The following SEC22C variants were observed in gnomAD, a reference collection of about 807,000 sequenced individuals.
SEC22C encodes SEC22 homolog C, vesicle trafficking protein.
A neutral mutation model predicts 34.7 loss-of-function variants in SEC22C; 29 were observed. The observed-to-expected ratio is 0.84, with a 90% CI of 0.62 to 1.14. The LOEUF is 1.14. Ranked by LOEUF, SEC22C falls within the 50% of genes most tolerant of loss-of-function variation. The probability of loss-of-function intolerance (pLI) is 0.00; values close to 1 mark genes in which losing one functional copy is unlikely to be tolerated. For synonymous variants in SEC22C, 117 were observed against 132.8 expected (o/e 0.88, Z 0.82); for missense variants, 337 against 369.0 (o/e 0.91, Z 0.71).
chr3:42,597,629 G>A (rs1475312090), intron 1 of SEC22C, among the ~76,000 whole-genome samples: 1 of 151,076 alleles, frequency 6.6e-6, no homozygotes, highest in Non-Finnish European at 1.5e-5. Context: ...TGTCCAACCC[G>A]CCACCCAGGG....
At chr3:42,580,854 T>C (rs192047639) in intron 1 of SEC22C, among the ~76,000 whole-genome samples, 4 of 152,332 alleles carry the variant, frequency 2.6e-5, no homozygotes, top group South Asian at 2.1e-4. Flanking sequence ...CAGAGACCTG[T>C]TGGTAGAGGA....
In SEC22C at chr3:42,563,577, A is replaced by G; in HGVS notation, c.292T>C (p.Tyr98His). 6.2e-7 allele frequency: 1 copy of G among 1,614,202 alleles called. No homozygotes were observed. Among genetic ancestry groups the G allele is most frequent in the African/African-American group, 1.3e-5 (1 of 75,078 alleles). Residue 98 changes from tyrosine (Y) to histidine (H), a missense_variant, in exon 3 of 7, where the codon TAT (tyrosine) becomes CAT (histidine). Tyr to His is a moderately conservative substitution (Grantham distance 83). Transcript: ENST00000264454. ...GCTAGGCCAATGCAGGTAGTGTCATAGGAAGCTGTGAATTCCCACCACAGG... is the reference window on the plus strand; with the variant it reads ...GCTAGGCCAATGCAGGTAGTGTCATGGGAAGCTGTGAATTCCCACCACAGG... ...ETLWWEFTAS[Y>H]DTTCIGLASR...
At chr3:42,581,030 A>G (rs1291333301) in intron 1 of SEC22C, among the ~76,000 whole-genome samples, 1 of 152,252 alleles carries the variant, frequency 6.6e-6, no homozygotes. Flanking sequence ...GCAAATGCAA[A>G]CACTTAAATC....
intron 2 of SEC22C, among the ~76,000 whole-genome samples, chr3:42,566,493 G>A (rs570497991): frequency 5.3e-5 from 8 of 151,870 alleles, no homozygotes; most frequent in African/African-American, 1.2e-4. Context: ...TGGCTAACAC[G>A]GTGAAACGCC....
At chr3:42,578,864 T>C (rs1704133476) in intron 1 of SEC22C, among the ~76,000 whole-genome samples, 2 of 152,356 alleles carry the variant, frequency 1.3e-5, no homozygotes, top group African/African-American at 2.4e-5. Context: ...GCATGAACAC[T>C]GAAGGGCACA....
chr3:42,553,428 G>A lies in SEC22C; in HGVS notation c.732C>T (p.Tyr244=). The stretch of plus-strand genomic sequence containing the variant: ...CCACCTTCATAGTCCTGGCTGGACT[G>A]TAGAACAGGTACAAATAACACTGAA... ...CIFQCYLYLF[Y]SPARTMKVVL... Residue 244 remains tyrosine, a synonymous_variant, in exon 7 of 7, where the codon TAC becomes TAT. Transcript: ENST00000264454. 2 of 1,614,022 alleles carry A rather than the reference G, an allele frequency of 1.2e-6. No individual in the cohort carries two copies. The highest frequency in any genetic ancestry group is 2.2e-5 in the South Asian group (2 of 91,066).
chr3:42,597,293 T>C (rs1435857843), intron 1 of SEC22C, among the ~76,000 whole-genome samples: 3 of 152,132 alleles, frequency 2.0e-5, no homozygotes, highest in Non-Finnish European at 4.4e-5. Context: ...CAGTGACTCA[T>C]GCCTGTAATC....
chr3:42,586,839 G>A (rs746213879), upstream of SEC22C, among the ~76,000 whole-genome samples: 5 of 152,098 alleles, frequency 3.3e-5, no homozygotes, highest in African/African-American at 9.7e-5. Flanking sequence ...CCTCAACATC[G>A]TTTGACATCA....
exon 1 of SEC22C, chr3:42,601,071 TG>T: frequency 6.4e-7 from 1 of 1,565,242 alleles, no homozygotes. Context: ...CCGGGTGAGC[TG>T]GAAACTGGGG....
chr3:42,573,702 G>C (rs1163563695), intron 1 of SEC22C, among the ~76,000 whole-genome samples: 1 of 152,068 alleles, frequency 6.6e-6, no homozygotes, highest in East Asian at 1.9e-4. Flanking sequence ...ATTAACTAAA[G>C]TAAAAAATGC....
intron 1 of SEC22C, chr3:42,591,032 C>G: frequency 6.6e-7 from 1 of 1,511,748 alleles, no homozygotes. Flanking sequence ...CTGCGGGGTG[C>G]GAGAAGCATC....
rs533534760 is a variant in SEC22C, at chr3:42,567,839, G to A, written c.182+1026C>T. Among the ~76,000 whole-genome samples, 4 of 152,300 alleles carry A rather than the reference G, an allele frequency of 2.6e-5. No homozygotes were observed. In the East Asian group the frequency reaches 7.7e-4, roughly 29 times the overall value. ...TAATCCCAGCACTTTGGGAGGCCAA[G>A]GTGGGCAGATCACCTGAGGTCAGGA... On this transcript the variant is annotated intron_variant, in intron 2 of 6. Coordinates refer to ENST00000264454, the MANE Select transcript of SEC22C (RefSeq NM_032970.4).
At chr3:42,558,408 AG>A (rs1173019845) in intron 4 of SEC22C, among the ~76,000 whole-genome samples, 1 of 149,676 alleles carries the variant, frequency 6.7e-6, no homozygotes, top group Non-Finnish European at 1.5e-5. Context: ...GGATCACCTG[AG>A]CCTGGGAGGT....
intron 4 of SEC22C, 96 bp from the exon 5 acceptor site, chr3:42,557,792 G>C: frequency 3.3e-6 from 2 of 600,662 alleles, no homozygotes; most frequent in Non-Finnish European, 6.1e-6. Context: ...CTAATGATAG[G>C]TTCACTATGT....
intron 1 of SEC22C, 82 bp from the exon 2 acceptor site, chr3:42,569,155 G>C: frequency 2.3e-6 from 2 of 859,902 alleles, no homozygotes; most frequent in Non-Finnish European, 3.6e-6. Context: ...GCCCACTCTA[G>C]GGTTTTTCAC....
chr3:42,567,756 C>T (rs1424610855), intron 2 of SEC22C, among the ~76,000 whole-genome samples: 1 of 152,136 alleles, frequency 6.6e-6, no homozygotes, highest in Non-Finnish European at 1.5e-5. Flanking sequence ...TTTTCACTCC[C>T]CTGCTCCTGT....
chr3:42,556,215 T>C (rs1702519553), intron 5 of SEC22C, among the ~76,000 whole-genome samples: 1 of 152,188 alleles, frequency 6.6e-6, no homozygotes. Flanking sequence ...CATGTGACTG[T>C]GCTAAGTCTG....
intron 2 of SEC22C, among the ~76,000 whole-genome samples, chr3:42,565,030 T>C (rs920640101): frequency 1.3e-5 from 2 of 152,114 alleles, no homozygotes; most frequent in African/African-American, 4.8e-5. Context: ...AGTGCTGGGA[T>C]TACAGGCGTG....
At chr3:42,595,139 C>G (rs1439981691) in intron 1 of SEC22C, 1 of 152,138 alleles carries the variant, frequency 6.6e-6, no homozygotes, top group Non-Finnish European at 1.5e-5. Flanking sequence ...TAATTATTAT[C>G]TAATATCATC....
Sources: allele counts gnomAD v4.1 joint callset (sites outside exome capture counted in the v4.1 genomes callset), GRCh38; gene constraint gnomAD v4.1.1; transcripts MANE v1.5; gene names NCBI Gene and HGNC (gene_info 2026-07-23, HGNC 2026-07-21).